SLC30A7: variants seen among roughly 807,000 people sequenced by gnomAD.
The protein encoded by SLC30A7 is solute carrier family 30 member 7.
A neutral mutation model predicts 46.0 loss-of-function variants in SLC30A7; 35 were observed. The observed-to-expected ratio is 0.76, with a 90% CI of 0.58 to 1.01. SLC30A7 has a LOEUF of 1.01. Ranked by LOEUF, SLC30A7 falls within the 50% of genes least tolerant of loss-of-function variation. The probability of loss-of-function intolerance (pLI) is 0.00; values close to 1 mark genes in which losing one functional copy is unlikely to be tolerated. For synonymous variants in SLC30A7, 147 were observed against 157.8 expected, an observed-to-expected ratio of 0.93 and a Z score of 0.51; for missense variants, 464 against 451.1, an observed-to-expected ratio of 1.03 and a Z score of -0.26.
In SLC30A7 at chr1:100,975,166, T is replaced by C; in HGVS notation, c.*309T>C. 8.7e-6 allele frequency: 2 copies of C among 229,538 alleles called. 1 individual carries two copies. The highest frequency in any genetic ancestry group is 1.7e-4 in the East Asian group (2 of 12,060). The allele number at this position is 229,538 out of a possible 1,614,324, so 14.2% of individuals were successfully genotyped here. ...TGTCTTTCTTTTTTTGTTTTTGTTT[T>C]CTGTTTGTTTGTTTTCATGTTGAAT... On this transcript the variant is annotated 3_prime_UTR_variant, in exon 11 of 11. Transcript: ENST00000357650.
At chr1:100,970,404 A>G (rs1656093474) in intron 10 of SLC30A7, among the ~76,000 whole-genome samples, 1 of 152,098 alleles carries the variant, frequency 6.6e-6, no homozygotes, top group African/African-American at 2.4e-5. Flanking sequence ...ATCCTTTTTA[A>G]TTTCATTTTC....
chr1:100,973,772 TG>T (rs1656299692), intron 10 of SLC30A7, among the ~76,000 whole-genome samples: 1 of 152,100 alleles, frequency 6.6e-6, no homozygotes, highest in South Asian at 2.1e-4. Flanking sequence ...GGGCAGCCAG[TG>T]AATATTCTCT....
chr1:100,974,816 G>C lies in SLC30A7; in HGVS notation c.1090G>C (p.Val364Leu). 1 of 1,585,594 alleles carries C rather than the reference G, an allele frequency of 6.3e-7. No individual in the cohort carries two copies. The highest frequency in any genetic ancestry group is 1.7e-5 in the Admixed American group (1 of 59,554). The change falls in exon 11 of 11, where the codon GTG becomes CTG. Residue 364 changes from valine (V) to leucine (L), a missense_variant. Physicochemically the swap from Val to Leu is conservative, Grantham distance 32 (BLOSUM62 1). Coordinates refer to ENST00000357650, the MANE Select transcript of SLC30A7 (RefSeq NM_133496.5). ...QTHNIFTQAG[V>L]RQLYVQIDFA... ...TTTTTTTCTTACTTTTCAGGCTGGA[G>C]TGAGACAGCTCTACGTACAGATTGA...
chr1:100,944,921 C>T (rs1328646732), intron 8 of SLC30A7, among the ~76,000 whole-genome samples: 1 of 152,120 alleles, frequency 6.6e-6, no homozygotes, highest in Non-Finnish European at 1.5e-5. Context: ...TAAAAGCGTT[C>T]CTATTTCTCC....
intron 9 of SLC30A7, among the ~76,000 whole-genome samples, chr1:100,964,088 CAG>C (rs1570589444): frequency 1.3e-5 from 2 of 151,790 alleles, no homozygotes; most frequent in East Asian, 3.9e-4. Flanking sequence ...TGTAATCATG[CAG>C]AGAGATCAGA....
chr1:100,896,356 T>A lies in SLC30A7; in HGVS notation c.80+14T>A. 1.2e-6 allele frequency: 2 copies of A among 1,613,852 alleles called. No individual in the cohort carries two copies. The highest frequency in any genetic ancestry group is 8.5e-7 in the Non-Finnish European group (1 of 1,179,860). On this transcript the variant is annotated intron_variant, in intron 1 of 10. Transcript: ENST00000357650. ...GGGCTGGTTTAGGTGCGGGGTGCTG[T>A]GTTTGCGGGGAGGGGGTGTCCGGCA...
chr1:100,900,019 A>T (rs1466233064), intron 2 of SLC30A7, among the ~76,000 whole-genome samples: 1 of 152,098 alleles, frequency 6.6e-6, no homozygotes, highest in Non-Finnish European at 1.5e-5. Context: ...TGAGAGAGAG[A>T]GAGAGAGAGA....
intron 8 of SLC30A7, among the ~76,000 whole-genome samples, chr1:100,956,885 C>T (rs1045943635): frequency 6.6e-6 from 1 of 152,174 alleles, no homozygotes; most frequent in Non-Finnish European, 1.5e-5. Flanking sequence ...TATGTAGTTG[C>T]TTTAAATTCA....
At chr1:100,983,402 A>T (rs1406403705), downstream of SLC30A7, among the ~76,000 whole-genome samples, 1 of 139,078 alleles carries the variant, frequency 7.2e-6, no homozygotes, top group African/African-American at 2.7e-5. Flanking sequence ...AAAACAAAAC[A>T]AAACAAAAAA....
At chr1:100,959,899 A>G (rs868024988) in intron 8 of SLC30A7, among the ~76,000 whole-genome samples, 2 of 152,190 alleles carry the variant, frequency 1.3e-5, no homozygotes, top group African/African-American at 2.4e-5. Context: ...TTAGGAAGCT[A>G]TTATAATAAT....
intron 8 of SLC30A7, among the ~76,000 whole-genome samples, chr1:100,923,458 A>G (rs1007892655): frequency 1.3e-5 from 2 of 152,184 alleles, no homozygotes; most frequent in Non-Finnish European, 2.9e-5. Context: ...AAATTATTTG[A>G]ACAGGGAAAT....
At chr1:100,912,343 A>G in intron 5 of SLC30A7, 105 bp downstream of exon 5, 2 of 1,268,532 alleles carry the variant, frequency 1.6e-6, no homozygotes, top group Non-Finnish European at 2.2e-6. Context: ...TGATGTCAAC[A>G]GACTATGTGA....
intron 8 of SLC30A7, 101 bp downstream of exon 8, chr1:100,921,942 T>A: frequency 3.8e-6 from 4 of 1,039,156 alleles, no homozygotes; most frequent in Non-Finnish European, 5.4e-6. Flanking sequence ...TTGGTTTTCC[T>A]TTGCTTGCTT....
intron 8 of SLC30A7, among the ~76,000 whole-genome samples, chr1:100,926,200 G>A (rs1002749152): frequency 6.6e-6 from 1 of 152,112 alleles, no homozygotes; most frequent in Non-Finnish European, 1.5e-5. Flanking sequence ...TTATTGTTAA[G>A]CTTTGATATT....
intron 8 of SLC30A7, among the ~76,000 whole-genome samples, chr1:100,923,383 T>A (rs1374928588): frequency 3.3e-5 from 5 of 152,174 alleles, no homozygotes; most frequent in Non-Finnish European, 7.3e-5. Flanking sequence ...GATTTTTTTT[T>A]AAAGTTTCTG....
At chr1:100,963,141 A>C (rs998844652) in intron 9 of SLC30A7, among the ~76,000 whole-genome samples, 1 of 152,228 alleles carries the variant, frequency 6.6e-6, no homozygotes, top group Non-Finnish European at 1.5e-5. Flanking sequence ...TTAGGACCAG[A>C]AAGAGTTATA....
intron 8 of SLC30A7, among the ~76,000 whole-genome samples, chr1:100,961,207 C>T (rs899810022): frequency 1.3e-4 from 20 of 152,064 alleles, no homozygotes; most frequent in Admixed American, 9.2e-4. Context: ...GTGATCCACC[C>T]GCCTTGGCTT....
the SLC30A7 span, among the ~76,000 whole-genome samples, chr1:100,989,383 T>C: frequency 4.6e-5 from 7 of 152,356 alleles, no homozygotes; most frequent in African/African-American, 1.7e-4. Flanking sequence ...AACAATCTTA[T>C]AACCTCCAAA....
chr1:100,947,296 G>C (rs1026293860), intron 8 of SLC30A7, among the ~76,000 whole-genome samples: 3 of 152,118 alleles, frequency 2.0e-5, no homozygotes, highest in African/African-American at 7.2e-5. Context: ...CTTTATTTCT[G>C]CCTTCATTTC....
Sources: gnomAD v4.1 joint callset for allele counts (sites outside exome capture counted in the v4.1 genomes callset) on GRCh38, gnomAD v4.1.1 for gene constraint, MANE v1.5 for transcripts, NCBI Gene and HGNC (gene_info 2026-07-23, HGNC 2026-07-21) for gene names.